Variants in CADPS2 observed in about 807,000 individuals in gnomAD.
CADPS2 encodes calcium dependent secretion activator 2, also known as calcium-dependent secretion activator 2.
Under a neutral mutation model 172.5 loss-of-function variants are expected in CADPS2, and 93 were observed. That is an observed-to-expected ratio of 0.54 (90% CI 0.46 to 0.64). The LOEUF (loss-of-function observed/expected upper bound fraction) is 0.64, where lower values mean the gene tolerates loss of function less well. CADPS2 is among the 30% of genes least tolerant of loss of function. The pLI, the probability that CADPS2 is intolerant of heterozygous loss-of-function variation, is 0.00. For missense variants in CADPS2, 1,420 were observed against 1,565.9 expected, an observed-to-expected ratio of 0.91 and a Z score of 1.57; for synonymous variants, 546 against 555.2, an observed-to-expected ratio of 0.98 and a Z score of 0.23.
At chr7:122,709,346 A>G (rs2088241355) in intron 2 of CADPS2, among the ~76,000 whole-genome samples, 1 of 152,066 alleles carries the variant, frequency 6.6e-6, no homozygotes, top group Admixed American at 6.6e-5. Flanking sequence ...GCAAATCAAA[A>G]CCACAATGAG....
chr7:122,374,520 G>A (rs907643151), intron 25 of CADPS2, among the ~76,000 whole-genome samples: 1 of 152,048 alleles, frequency 6.6e-6, no homozygotes, highest in African/African-American at 2.4e-5. Context: ...CAGATTACAT[G>A]ATCTTAATAT....
intron 1 of CADPS2, among the ~76,000 whole-genome samples, chr7:122,873,495 T>G (rs772401114): frequency 2.6e-5 from 4 of 152,210 alleles, no homozygotes; most frequent in Non-Finnish European, 5.9e-5. Context: ...GCAAAGGACA[T>G]GAACTCATCC....
In CADPS2 at chr7:122,490,223, A is replaced by G; in HGVS notation, c.1710T>C (p.Phe570=). The G allele has an allele frequency of 6.2e-7, 1 of 1,613,348 alleles. No individual in the cohort carries two copies. The highest frequency in any genetic ancestry group is 8.5e-7 in the Non-Finnish European group (1 of 1,179,538). The change falls in exon 11 of 30, where the codon TTT becomes TTC. Residue 570 remains phenylalanine (F), a synonymous_variant. Coordinates refer to ENST00000449022, the MANE Select transcript of CADPS2 (RefSeq NM_017954.11). ...NAVKEGDTVI[F]ASDDEQDRIL... ...TTCTGTCCTGTTCATCATCACTGGCAAAGATTACAGTATCTCCTTCTTTAA... is the reference window on the plus strand; with the variant it reads ...TTCTGTCCTGTTCATCATCACTGGCGAAGATTACAGTATCTCCTTCTTTAA...
intron 24 of CADPS2, among the ~76,000 whole-genome samples, chr7:122,381,772 A>G (rs966090834): frequency 3.9e-5 from 6 of 152,254 alleles, no homozygotes; most frequent in African/African-American, 1.4e-4. Flanking sequence ...AGGGAGGGAG[A>G]GAAAATGAGA....
intron 8 of CADPS2, among the ~76,000 whole-genome samples, chr7:122,519,018 G>C (rs2060584036): frequency 6.7e-6 from 1 of 150,250 alleles, no homozygotes; most frequent in Non-Finnish European, 1.5e-5. Flanking sequence ...AAAAACAAAA[G>C]AACACAAATA....
chr7:122,688,679 T>C (rs146134828), intron 2 of CADPS2, among the ~76,000 whole-genome samples: 1 of 152,316 alleles, frequency 6.6e-6, no homozygotes, highest in Non-Finnish European at 1.5e-5. Flanking sequence ...CTATATAGTG[T>C]CAGCAGGGCA....
rs1220981610 is a variant in CADPS2 at position 122,319,997 on chromosome 7, A to C, written c.*168T>G. On this transcript the variant is annotated 3_prime_UTR_variant, in exon 30 of 30. Transcript: ENST00000449022. ...AAAAAAGGAAACAAAAAAACCCCAAAATCTTGGCATTTCCCCTTTTACTCT... is the reference window on the plus strand; with the variant it reads ...AAAAAAGGAAACAAAAAAACCCCAACATCTTGGCATTTCCCCTTTTACTCT... The C allele has an allele frequency of 1.6e-6, 1 of 619,058 alleles. No homozygotes were observed. Among genetic ancestry groups the C allele is most frequent in the African/African-American group, 1.9e-5 (1 of 52,426 alleles). 38.3% of individuals were successfully genotyped at this position (619,058 alleles called of 1,614,324 possible).
At chr7:122,501,117 T>C (rs1034167470) in intron 9 of CADPS2, among the ~76,000 whole-genome samples, 1 of 152,036 alleles carries the variant, frequency 6.6e-6, no homozygotes, top group African/African-American at 2.4e-5. Context: ...CAGCTAGGCA[T>C]GATGGCATAT....
chr7:122,436,165 A>T (rs1406664877), intron 17 of CADPS2, among the ~76,000 whole-genome samples: 2 of 152,134 alleles, frequency 1.3e-5, no homozygotes, highest in African/African-American at 4.8e-5. Flanking sequence ...GCAGGAGGAA[A>T]CTTTCGTAGG....
At chr7:122,336,127 G>A (rs1242297822) in intron 28 of CADPS2, among the ~76,000 whole-genome samples, 1 of 152,152 alleles carries the variant, frequency 6.6e-6, no homozygotes, top group African/African-American at 2.4e-5. Flanking sequence ...TTTATATATA[G>A]TTTCCTGCCA....
chr7:122,746,624 CA>C (rs1485519262), intron 1 of CADPS2, among the ~76,000 whole-genome samples: 3 of 109,770 alleles, frequency 2.7e-5, no homozygotes, highest in Non-Finnish European at 5.2e-5. Flanking sequence ...AGCTAAAACA[CA>C]CAGACACACA....
At chr7:122,330,490 T>C (rs1194253420) in intron 28 of CADPS2, among the ~76,000 whole-genome samples, 2 of 152,162 alleles carry the variant, frequency 1.3e-5, no homozygotes, top group Non-Finnish European at 2.9e-5. Context: ...AATATAATAA[T>C]GTCAAGGTTT....
chr7:122,335,299 G>A (rs2035675531), intron 28 of CADPS2, among the ~76,000 whole-genome samples: 1 of 152,130 alleles, frequency 6.6e-6, no homozygotes, highest in Admixed American at 6.5e-5. Flanking sequence ...ACCCAGGCTG[G>A]AGTGCAGTGA....
intron 2 of CADPS2, chr7:122,702,585 A>G (rs2086328971): frequency 6.2e-7 from 1 of 1,613,504 alleles, no homozygotes; most frequent in Admixed American, 1.7e-5. Context: ...CTCTCTCCTA[A>G]TTCCGATGTG....
chr7:122,433,124 C>T (rs1048584870), intron 17 of CADPS2, among the ~76,000 whole-genome samples: 2 of 151,708 alleles, frequency 1.3e-5, no homozygotes, highest in Non-Finnish European at 2.9e-5. Flanking sequence ...CAGGTATGCG[C>T]TACTATACTT....
intron 4 of CADPS2, among the ~76,000 whole-genome samples, chr7:122,628,287 A>C (rs1046505969): frequency 2.0e-5 from 3 of 152,194 alleles, no homozygotes; most frequent in Non-Finnish European, 4.4e-5. Flanking sequence ...GAAGTAAAAA[A>C]ATAATTGTTA....
At chr7:122,635,282 T>A (rs879711635) in intron 3 of CADPS2, among the ~76,000 whole-genome samples, 2,196 of 150,564 alleles carry the variant, frequency 0.015, 38 homozygotes, top group Non-Finnish European at 0.02. Context: ...TTTTTTTTTT[T>A]AATTATTATT....
intron 11 of CADPS2, among the ~76,000 whole-genome samples, chr7:122,489,667 T>G (rs1412737118): frequency 6.6e-6 from 1 of 152,170 alleles, no homozygotes; most frequent in Non-Finnish European, 1.5e-5. Flanking sequence ...TCTGGGGTAT[T>G]AAGAACAATT....
At position 122,621,618 on chromosome 7, in the gene CADPS2, G is replaced by A; in HGVS notation, c.967C>T (p.Leu323Phe). The change falls in exon 5 of 30, where the codon CTT (leucine) becomes TTT (phenylalanine). Residue 323 changes from leucine (L) to phenylalanine (F), a missense_variant. Coordinates refer to ENST00000449022, the MANE Select transcript of CADPS2 (RefSeq NM_017954.11). ...VNLLMANLESLPVSKGGPEFK... is the reference protein window; with the variant it reads ...VNLLMANLESFPVSKGGPEFK... Reference sequence around the variant, plus strand: ...TCCGGACCACCTTTCGAAACTGGAAGACTTTCCAAATTGGCCATTAGCAAA... The same window carrying A: ...TCCGGACCACCTTTCGAAACTGGAAAACTTTCCAAATTGGCCATTAGCAAA... 6.2e-7 allele frequency: 1 copy of A among 1,613,674 alleles called. No individual in the cohort carries two copies. Among genetic ancestry groups the A allele is most frequent in the Non-Finnish European group, 8.5e-7 (1 of 1,179,674 alleles).
Sources: gnomAD v4.1 joint callset for allele counts (sites outside exome capture counted in the v4.1 genomes callset) on GRCh38, gnomAD v4.1.1 for gene constraint, MANE v1.5 for transcripts, NCBI Gene and HGNC (gene_info 2026-07-23, HGNC 2026-07-21) for gene names.